ADTRP: variants seen among roughly 807,000 people sequenced by gnomAD.
ADTRP encodes androgen-dependent TFPI-regulating protein.
A neutral mutation model predicts 27.0 loss-of-function variants in ADTRP; 20 were observed. The ratio of observed to expected loss-of-function variants is 0.74; its 90% CI spans 0.52 to 1.08. ADTRP has a LOEUF of 1.08. Ranked by LOEUF, ADTRP falls within the 50% of genes least tolerant of loss-of-function variation. ADTRP has a pLI of 0.00. For synonymous variants in ADTRP, 101 were observed against 105.2 expected, an observed-to-expected ratio of 0.96 and a Z score of 0.25; for missense variants, 251 against 275.0, an observed-to-expected ratio of 0.91 and a Z score of 0.62.
chr6:11,764,496 C>A (rs1763490265), intron 3 of ADTRP, among the ~76,000 whole-genome samples: 1 of 151,460 alleles, frequency 6.6e-6, no homozygotes, highest in Admixed American at 6.6e-5. Context: ...AGTTTCAAAT[C>A]TCTTCATTTT....
chr6:11,730,244 G>T (rs550132451), intron 4 of ADTRP, among the ~76,000 whole-genome samples: 1 of 152,274 alleles, frequency 6.6e-6, no homozygotes, highest in South Asian at 2.1e-4. Flanking sequence ...TTTCATATAT[G>T]AATTTACAGG....
chr6:11,742,716 A>G (rs1762756251), intron 3 of ADTRP, among the ~76,000 whole-genome samples: 1 of 152,204 alleles, frequency 6.6e-6, no homozygotes, highest in South Asian at 2.1e-4. Flanking sequence ...CCATAAACTG[A>G]TAATATCTGA....
At chr6:11,727,984 AG>A (rs1485821402) in intron 4 of ADTRP, among the ~76,000 whole-genome samples, 1 of 12,772 alleles carries the variant, frequency 7.8e-5, no homozygotes. Context: ...GTAGGTAGGG[AG>A]GGAGGGAGGG....
intron 4 of ADTRP, 100 bp downstream of exon 4, chr6:11,735,468 C>A (rs1404314882): frequency 6.2e-6 from 5 of 810,692 alleles, no homozygotes; most frequent in Non-Finnish European, 9.8e-6. Context: ...CCTTATTAAA[C>A]CAAGATAAAG....
intron 1 of ADTRP, among the ~76,000 whole-genome samples, chr6:11,770,514 G>A (rs73721808): frequency 6.6e-6 from 1 of 151,968 alleles, no homozygotes; most frequent in African/African-American, 2.4e-5. Flanking sequence ...TAAGGGACAG[G>A]AAGGGAAAGG....
At chr6:11,721,651 G>GT (rs1352910367) in intron 5 of ADTRP, among the ~76,000 whole-genome samples, 1 of 152,052 alleles carries the variant, frequency 6.6e-6, no homozygotes, top group Non-Finnish European at 1.5e-5. Flanking sequence ...ACCTCGAGAG[G>GT]TAAGTACAGT....
At chr6:11,738,827 C>T (rs1004832825) in intron 3 of ADTRP, among the ~76,000 whole-genome samples, 1 of 152,140 alleles carries the variant, frequency 6.6e-6, no homozygotes, top group African/African-American at 2.4e-5. Flanking sequence ...AGTGATGGGC[C>T]ATATACCTCG....
In ADTRP at chr6:11,775,968, T is replaced by C. The variant is rs1024874046; in HGVS notation, c.153+2639A>G. Among the ~76,000 whole-genome samples, 5 of 152,306 alleles carry C rather than the reference T, an allele frequency of 3.3e-5. No individual in the cohort carries two copies. In the East Asian group the frequency reaches 9.6e-4, roughly 29 times the overall value. ...GTGAGCGTAAGTTGTGAGACCTTTA[T>C]GACTTAATAAACACAACCACCAATT... On this transcript the variant is annotated intron_variant, in intron 1 of 5. Coordinates refer to ENST00000414691, the MANE Select transcript of ADTRP (RefSeq NM_032744.4).
intron 4 of ADTRP, among the ~76,000 whole-genome samples, chr6:11,732,448 A>G (rs927160264): frequency 3.3e-5 from 5 of 152,208 alleles, no homozygotes; most frequent in Admixed American, 2.0e-4. Context: ...CAGTTTGTAG[A>G]ACTTCATGGC....
At chr6:11,735,357 T>C (rs2113901625) in intron 4 of ADTRP, among the ~76,000 whole-genome samples, 1 of 152,384 alleles carries the variant, frequency 6.6e-6, no homozygotes, top group East Asian at 1.9e-4. Flanking sequence ...GCTGTGTATG[T>C]GTGTGCACAC....
At chr6:11,724,478 G>A (rs906761220) in intron 4 of ADTRP, among the ~76,000 whole-genome samples, 20 of 152,192 alleles carry the variant, frequency 1.3e-4, no homozygotes, top group African/African-American at 4.8e-4. Flanking sequence ...GAAGCCGAGA[G>A]AAGGAAAAGA....
chr6:11,718,876 A>G (rs1220501208), intron 5 of ADTRP, among the ~76,000 whole-genome samples: 1 of 152,218 alleles, frequency 6.6e-6, no homozygotes, highest in East Asian at 1.9e-4. Flanking sequence ...GTGGGCCATG[A>G]CAACACTTGC....
chr6:11,751,927 CT>C (rs1341655378), intron 3 of ADTRP, among the ~76,000 whole-genome samples: 1 of 152,182 alleles, frequency 6.6e-6, no homozygotes, highest in Non-Finnish European at 1.5e-5. Flanking sequence ...GCCATGGTTT[CT>C]TTTTAGGAAA....
At chr6:11,728,011 T>G in intron 4 of ADTRP, among the ~76,000 whole-genome samples, 1 of 150,678 alleles carries the variant, frequency 6.6e-6, no homozygotes, top group East Asian at 1.9e-4. Context: ...GGGAGGGAAC[T>G]TTGCATTCAA....
intron 5 of ADTRP, among the ~76,000 whole-genome samples, chr6:11,722,677 T>C (rs1000765727): frequency 6.6e-6 from 1 of 152,146 alleles, no homozygotes; most frequent in African/African-American, 2.4e-5. Flanking sequence ...GAGAATGAAA[T>C]CTTCCATTTT....
intron 3 of ADTRP, among the ~76,000 whole-genome samples, chr6:11,752,828 A>C (rs1763100048): frequency 6.6e-6 from 1 of 152,244 alleles, no homozygotes; most frequent in African/African-American, 2.4e-5. Context: ...TTCTAGCAAC[A>C]GTGGGTGGCT....
chr6:11,723,363 T>C lies in ADTRP; in HGVS notation c.644A>G (p.Asn215Ser), dbSNP rs1762080853. ...AATACACTGACCCCATTTCCAGTGG[T>C]TGAGCTTCTCTCCAAGTAGGTAGAT... is the stretch of plus-strand genomic sequence containing the variant. ...ASIYLLGEKL[N>S]HWKWGDMRQP... The change falls in exon 5 of 6, where the codon AAC becomes AGC. Residue 215 changes from asparagine to serine, a missense_variant. Transcript: ENST00000414691. 6.2e-7 allele frequency: 1 copy of C among 1,613,996 alleles called. No homozygotes were observed. The highest frequency in any genetic ancestry group is 8.5e-7 in the Non-Finnish European group (1 of 1,180,032).
intron 1 of ADTRP, among the ~76,000 whole-genome samples, chr6:11,773,626 T>C (rs1178178326): frequency 6.6e-6 from 1 of 152,196 alleles, no homozygotes; most frequent in Non-Finnish European, 1.5e-5. Flanking sequence ...CTTTGCACCA[T>C]CAGCAGCCAA....
chr6:11,714,298 A>C lies in ADTRP; in HGVS notation c.*180T>G. ...GGCATGTGCAGTCAACCTTTCAAAA[A>C]ACCAAGAGTTCTCAAGTTAAGCTAC... On this transcript the variant is annotated 3_prime_UTR_variant, in exon 6 of 6. Transcript: ENST00000414691. 1 of 667,044 alleles carries C rather than the reference A, an allele frequency of 1.5e-6. No homozygotes were observed. The highest frequency in any genetic ancestry group is 2.5e-6 in the Non-Finnish European group (1 of 400,016). The allele number at this position is 667,044 out of a possible 1,614,324, so 41.3% of individuals were successfully genotyped here. A position where few individuals can be genotyped will look rare whatever the true frequency, so the allele number is the denominator to read the frequency against.
Sources: allele counts gnomAD v4.1 joint callset (sites outside exome capture counted in the v4.1 genomes callset), GRCh38; gene constraint gnomAD v4.1.1; transcripts MANE v1.5; gene names NCBI Gene and HGNC (gene_info 2026-07-23, HGNC 2026-07-21).